The following EIF3L variants were observed in gnomAD, a reference collection of about 807,000 sequenced individuals.
EIF3L encodes the protein eIEF associated protein HSPC021.
Under a neutral mutation model 74.6 loss-of-function variants are expected in EIF3L, and 32 were observed. That is an observed-to-expected ratio of 0.43 (90% CI 0.32 to 0.58). The LOEUF is 0.58. Among genes scored for constraint, EIF3L ranks in the 20% least tolerant of loss-of-function variants. EIF3L has a pLI of 0.06. For synonymous variants in EIF3L, 256 were observed against 254.4 expected, an observed-to-expected ratio of 1.01 and a Z score of -0.06; for missense variants, 474 against 707.8, an observed-to-expected ratio of 0.67 and a Z score of 3.75.
Position 37,888,594 on chromosome 22 carries a change from T to C in EIF3L, c.*130T>C. On this transcript the variant is annotated 3_prime_UTR_variant, in exon 13 of 13. Transcript: ENST00000652021. Reference sequence around the variant, plus strand: ...AGTTAACAAGTTAAGGACCGAAGTGTTTCAAGTGGATCTCAGTAAAGGATC... The same window carrying C: ...AGTTAACAAGTTAAGGACCGAAGTGCTTCAAGTGGATCTCAGTAAAGGATC... 1 of 913,508 alleles carries C rather than the reference T, an allele frequency of 1.1e-6. No homozygotes were observed. The allele number at this position is 913,508 out of a possible 1,614,324, so 56.6% of individuals were successfully genotyped here.
At chr22:37,867,385 G>T (rs868017832) in intron 7 of EIF3L, among the ~76,000 whole-genome samples, 1 of 152,078 alleles carries the variant, frequency 6.6e-6, no homozygotes, top group Non-Finnish European at 1.5e-5. Flanking sequence ...CTGGCCGGGC[G>T]CAGTGGCTCA....
chr22:37,864,695 C>A lies in EIF3L; in HGVS notation c.579+1350C>A, dbSNP rs562664397. On this transcript the variant is annotated intron_variant, in intron 7 of 12. Transcript: ENST00000652021. ...CTGGGATTACAGGTGCCCACCACCA[C>A]GCCCAGCTAATTTTTGTATTTTTAG... is the stretch of plus-strand genomic sequence containing the variant. Among the ~76,000 whole-genome samples, 81 of 152,140 alleles carry A rather than the reference C, an allele frequency of 5.3e-4. 1 individual carries two copies. The South Asian group carries it at 5.8e-3, about 11-fold the overall frequency.
At chr22:37,885,543 A>G (rs1927274451) in intron 11 of EIF3L, 2 of 152,084 alleles carry the variant, frequency 1.3e-5, no homozygotes. Context: ...GGATATAGAA[A>G]ATTTTAAAGT....
At position 37,855,664 on chromosome 22, in the gene EIF3L, A is replaced by G. The variant is rs1294010113; in HGVS notation, c.373+20A>G. ...GCAATGGTAGGTGTGAGCTCTTTAT[A>G]TCTTGTGCACTGAGTGGAATCCAGT... On this transcript the variant is annotated intron_variant, in intron 4 of 12. Transcript: ENST00000652021. The G allele has an allele frequency of 3.1e-6, 5 of 1,609,548 alleles. No homozygotes were observed. Among genetic ancestry groups the G allele is most frequent in the East Asian group, 4.5e-5 (2 of 44,860 alleles).
chr22:37,869,961 T>C (rs377047987), intron 7 of EIF3L, among the ~76,000 whole-genome samples: 15 of 152,290 alleles, frequency 9.8e-5, no homozygotes, highest in African/African-American at 3.6e-4. Context: ...TACTTCACTG[T>C]GTAGTAAGTA....
intron 7 of EIF3L, among the ~76,000 whole-genome samples, chr22:37,863,900 C>T (rs777764396): frequency 6.6e-5 from 10 of 152,022 alleles, no homozygotes; most frequent in Non-Finnish European, 1.3e-4. Flanking sequence ...CCCGTCTCTA[C>T]TGAAAGTACA....
intron 4 of EIF3L, among the ~76,000 whole-genome samples, chr22:37,857,109 C>T (rs1214009095): frequency 6.6e-6 from 1 of 151,816 alleles, no homozygotes; most frequent in Non-Finnish European, 1.5e-5. Flanking sequence ...TGCCTGTAAT[C>T]CCAGCACTTT....
chr22:37,851,525 GT>G (rs772271897), intron 3 of EIF3L, 35 bp downstream of exon 3: 24 of 1,553,830 alleles, frequency 1.5e-5, no homozygotes, highest in Non-Finnish European at 1.9e-5. Flanking sequence ...CTCTTTCTGG[GT>G]GGGACTGGCC....
intron 9 of EIF3L, 29 bp from the exon 10 acceptor site, chr22:37,875,812 A>G (rs779313297): frequency 3.1e-6 from 5 of 1,599,810 alleles, no homozygotes; most frequent in African/African-American, 1.3e-5. Flanking sequence ...ATTGGGACTC[A>G]TGAATGTTTG....
intron 11 of EIF3L, chr22:37,879,701 TGGGAA>T (rs1427349115): frequency 6.6e-6 from 1 of 152,096 alleles, no homozygotes; most frequent in African/African-American, 2.4e-5. Flanking sequence ...ACTTTACAAG[TGGGAA>T]GCCATTGTCC....
intron 12 of EIF3L, chr22:37,887,198 G>T: frequency 5.5e-6 from 1 of 182,564 alleles, no homozygotes; most frequent in Non-Finnish European, 1.2e-5. Flanking sequence ...CCAAAGTGTT[G>T]GGATTACAGG....
chr22:37,877,788 A>T lies in EIF3L; in HGVS notation c.1192A>T (p.Met398Leu). 4 of 1,613,848 alleles carry T rather than the reference A, an allele frequency of 2.5e-6. No homozygotes were observed. The highest frequency in any genetic ancestry group is 3.4e-6 in the Non-Finnish European group (4 of 1,179,856). ...GCTGCGGGAGAAATATGGGGACAAG[A>T]TGTTGCGCATGCAGAAAGGTGACCC... is the stretch of plus-strand genomic sequence containing the variant. ...LQLREKYGDK[M>L]LRMQKGDPQV... The change falls in exon 11 of 13, where the codon ATG becomes TTG. Residue 398 changes from methionine to leucine, a missense_variant. Physicochemically the swap from Met to Leu is conservative, Grantham distance 15. Around this residue, in one of 4 missense-constraint regions of EIF3L, gnomAD observed 293 missense variants for 469.1 expected, o/e 0.62. Coordinates refer to ENST00000652021, the MANE Select transcript of EIF3L (RefSeq NM_016091.4).
At chr22:37,868,952 T>C (rs1926330071) in intron 7 of EIF3L, among the ~76,000 whole-genome samples, 1 of 151,986 alleles carries the variant, frequency 6.6e-6, no homozygotes, top group African/African-American at 2.4e-5. Context: ...TGTTTTTGTA[T>C]TTTTAGTAGA....
intron 1 of EIF3L, chr22:37,849,758 C>T (rs966686437): frequency 4.0e-5 from 24 of 604,866 alleles, no homozygotes; most frequent in African/African-American, 1.9e-5. Context: ...TTTTTTTGGT[C>T]TAGGCTCCGT....
chr22:37,881,170 AGT>A (rs1316831971), intron 11 of EIF3L: 1 of 152,248 alleles, frequency 6.6e-6, no homozygotes, highest in Non-Finnish European at 1.5e-5. Flanking sequence ...GTTGAAGAAC[AGT>A]GTTAGTTTTC....
In EIF3L at chr22:37,859,374, CTTTT is replaced by C. The variant is rs34020382; in HGVS notation, c.435+652_435+655del. Among the ~76,000 whole-genome samples the C allele has an allele frequency of 5.1e-4, 40 of 79,140 alleles. 1 individual carries two copies. The highest frequency in any genetic ancestry group is 6.2e-4 in the Non-Finnish European group (28 of 45,508). The allele number at this position is 79,140 out of a possible 152,430, so 51.9% of individuals were successfully genotyped here. ...CTAAATTATAGAGTACGTGAAGTTT[CTTTT>C]TTTTTTTTTTTTTTTTTGAGAGAGA... On this transcript the variant is annotated intron_variant, in intron 5 of 12. Transcript: ENST00000652021.
chr22:37,849,463 C>G lies in EIF3L; in HGVS notation c.14C>G (p.Ala5Gly), dbSNP rs765452125. Residue 5 changes from alanine (A) to glycine (G), a missense_variant, in exon 1 of 13, where the codon GCT (alanine) becomes GGT (glycine). By Grantham distance (60) the Ala-to-Gly change is moderately conservative (BLOSUM62 0). Coordinates refer to ENST00000652021, the MANE Select transcript of EIF3L (RefSeq NM_016091.4). MSYP[A>G]DDYESEAAYD... ...AGCGAGGCAGCCATGTCTTATCCCGCTGATGATTATGAGTCTGAGGTAAGG... is the reference window on the plus strand; with the variant it reads ...AGCGAGGCAGCCATGTCTTATCCCGGTGATGATTATGAGTCTGAGGTAAGG... The G allele has an allele frequency of 3.1e-6, 5 of 1,612,084 alleles. No homozygotes were observed. The highest frequency in any genetic ancestry group is 2.2e-5 in the East Asian group (1 of 44,632).
intron 2 of EIF3L, among the ~76,000 whole-genome samples, chr22:37,851,067 G>A (rs1363234175): frequency 1.3e-5 from 2 of 152,144 alleles, no homozygotes; most frequent in Non-Finnish European, 2.9e-5. Context: ...GTGCAAAACA[G>A]ATAATAAGTG....
intron 12 of EIF3L, 162 bp downstream of exon 12, chr22:37,887,007 C>A (rs1487060835): frequency 1.2e-5 from 6 of 486,646 alleles, no homozygotes; most frequent in South Asian, 8.7e-5. Context: ...TAGCTCACTG[C>A]AACCTCTGCC....
Sources: gnomAD v4.1 joint callset for allele counts (sites outside exome capture counted in the v4.1 genomes callset) on GRCh38, gnomAD v4.1.1 for gene constraint, gnomAD v4.1.1 regional missense constraint, MANE v1.5 for transcripts, NCBI Gene and HGNC (gene_info 2026-07-23, HGNC 2026-07-21) for gene names.